GSG1L: variants seen among roughly 807,000 people sequenced by gnomAD.
The protein encoded by GSG1L is GSG1 like.
Under a neutral mutation model 42.1 loss-of-function variants are expected in GSG1L, and 24 were observed. The ratio of observed to expected loss-of-function variants is 0.57; its 90% CI spans 0.41 to 0.80. GSG1L has a LOEUF of 0.80. Among genes scored for constraint, GSG1L ranks in the 30% least tolerant of loss-of-function variants. The pLI is 0.00. For synonymous variants in GSG1L, 215 were observed against 203.5 expected (o/e 1.06, Z -0.48); for missense variants, 445 against 472.2 (o/e 0.94, Z 0.53).
At chr16:27,843,204 G>T (rs762345266) in intron 4 of GSG1L, among the ~76,000 whole-genome samples, 2 of 152,164 alleles carry the variant, frequency 1.3e-5, no homozygotes, top group Non-Finnish European at 1.5e-5. Flanking sequence ...CCTGTGTAGT[G>T]GACAATTGTG....
At chr16:28,008,230 C>T (rs1463886769) in intron 1 of GSG1L, among the ~76,000 whole-genome samples, 2 of 152,130 alleles carry the variant, frequency 1.3e-5, no homozygotes, top group East Asian at 1.9e-4. Flanking sequence ...CAGGTGTGCA[C>T]CACCACACAC....
chr16:27,809,578 GAA>G (rs33949097), intron 5 of GSG1L, among the ~76,000 whole-genome samples: 39,480 of 145,870 alleles, frequency 0.27, 5,567 homozygotes, highest in East Asian at 0.41. Context: ...CCCCGTCTGA[GAA>G]AAAAAAAAAA....
intron 2 of GSG1L, among the ~76,000 whole-genome samples, chr16:27,900,182 C>T (rs747496354): frequency 6.6e-6 from 1 of 152,228 alleles, no homozygotes; most frequent in Non-Finnish European, 1.5e-5. Context: ...CCTCCAGGAA[C>T]CCCAAATTGA....
chr16:27,942,411 A>G lies in GSG1L; in HGVS notation c.397+20745T>C, dbSNP rs556044251. Among the ~76,000 whole-genome samples, 15 of 91,536 alleles carry G rather than the reference A, an allele frequency of 1.6e-4. No individual in the cohort carries two copies. The South Asian group carries it at 5.0e-3, about 31-fold the overall frequency. 60.1% of individuals were successfully genotyped at this position (91,536 alleles called of 152,430 possible). ...GTGATCCACTTGCCTTGGCCTCCCA[A>G]AGTGCTAGGATTATAGACGTGAGCC... On this transcript the variant is annotated intron_variant, in intron 2 of 6. Coordinates refer to ENST00000447459, the MANE Select transcript of GSG1L (RefSeq NM_001109763.2).
intron 5 of GSG1L, among the ~76,000 whole-genome samples, chr16:27,826,696 G>T (rs1454342119): frequency 1.3e-5 from 2 of 152,164 alleles, no homozygotes; most frequent in Non-Finnish European, 2.9e-5. Context: ...GGGAAGGTGG[G>T]TCTTCATCCA....
At chr16:28,036,460 TC>T (rs2086038226) in intron 1 of GSG1L, among the ~76,000 whole-genome samples, 1 of 151,356 alleles carries the variant, frequency 6.6e-6, no homozygotes, top group South Asian at 2.1e-4. Flanking sequence ...AGACTCCAGT[TC>T]CCCCCTGGTC....
At chr16:27,917,209 T>G (rs773770127) in intron 2 of GSG1L, among the ~76,000 whole-genome samples, 3 of 152,192 alleles carry the variant, frequency 2.0e-5, no homozygotes, top group Non-Finnish European at 4.4e-5. Context: ...TCACAAGTAT[T>G]TCCTGATGGC....
chr16:27,995,766 C>A (rs1357473703), intron 1 of GSG1L, among the ~76,000 whole-genome samples: 1 of 152,012 alleles, frequency 6.6e-6, no homozygotes. Context: ...CCCACCTCAG[C>A]CTCCCAAGTA....
chr16:27,943,391 T>G (rs1359028001), intron 2 of GSG1L, among the ~76,000 whole-genome samples: 1 of 151,684 alleles, frequency 6.6e-6, no homozygotes, highest in East Asian at 1.9e-4. Flanking sequence ...GAATATTACA[T>G]AACAATGAAA....
chr16:27,823,225 CA>C (rs1368443198), intron 5 of GSG1L, among the ~76,000 whole-genome samples: 9 of 152,120 alleles, frequency 5.9e-5, no homozygotes, highest in African/African-American at 2.2e-4. Context: ...AGATGTTTCT[CA>C]GGGGTGGGGC....
chr16:27,973,057 T>A (rs1231631177), intron 1 of GSG1L, among the ~76,000 whole-genome samples: 1 of 152,202 alleles, frequency 6.6e-6, no homozygotes, highest in Non-Finnish European at 1.5e-5. Flanking sequence ...CATCTTTCTG[T>A]GCCTTTATTT....
intron 1 of GSG1L, among the ~76,000 whole-genome samples, chr16:28,020,322 A>G (rs1286244887): frequency 6.6e-6 from 1 of 152,202 alleles, no homozygotes; most frequent in African/African-American, 2.4e-5. Context: ...AAGGGGTGTC[A>G]TTCCAGGGAA....
chr16:28,010,992 T>TGGGTCGTCGGGGCTCTGCC (rs1343235861), intron 1 of GSG1L, among the ~76,000 whole-genome samples: 2 of 152,124 alleles, frequency 1.3e-5, no homozygotes, highest in African/African-American at 4.8e-5. Context: ...GGGGCTCTGA[T>TGGGTCGTCGGGGCTCTGCC]GGGTCGTCGG....
intron 3 of GSG1L, among the ~76,000 whole-genome samples, chr16:27,861,374 C>CA (rs1252267417): frequency 1.3e-5 from 2 of 150,628 alleles, no homozygotes; most frequent in African/African-American, 2.4e-5. Flanking sequence ...GACTCCATTT[C>CA]AAAAAAAATT....
chr16:27,791,169 T>C lies in GSG1L; in HGVS notation c.*201A>G, dbSNP rs1456594300. On this transcript the variant is annotated 3_prime_UTR_variant, in exon 7 of 7. Transcript: ENST00000447459. ...AGTCACTCTGTGCAGCCCTGTGCAT[T>C]CCCTTGGGCCTGCCCTGGCCCCATT... The C allele has an allele frequency of 7.6e-6, 3 of 397,188 alleles. No individual in the cohort carries two copies. Among genetic ancestry groups the C allele is most frequent in the Non-Finnish European group, 1.3e-5 (3 of 224,992 alleles). The allele number at this position is 397,188 out of a possible 1,614,324, so 24.6% of individuals were successfully genotyped here.
Position 28,040,858 on chromosome 16 carries a change from A to G in GSG1L, c.349+22218T>C, listed in dbSNP as rs2086097527. The stretch of plus-strand genomic sequence containing the variant: ...CACTCCTTTTCCATCCAGTATCCCC[A>G]TCCCAGACCATCTCTCTGCGTTCCG... On this transcript the variant is annotated intron_variant, in intron 1 of 6. Transcript: ENST00000447459. This position sits in a 1 kb window ranked among gnomAD's most constrained non-coding sequence, Gnocchi z 4.1. Among the ~76,000 whole-genome samples, 1 of 152,140 alleles carries G rather than the reference A, an allele frequency of 6.6e-6. No homozygotes were observed. Among genetic ancestry groups the G allele is most frequent in the South Asian group, 2.1e-4 (1 of 4,836 alleles).
At chr16:27,844,202 C>T (rs2083418056) in intron 4 of GSG1L, among the ~76,000 whole-genome samples, 1 of 152,200 alleles carries the variant, frequency 6.6e-6, no homozygotes, top group South Asian at 2.1e-4. Flanking sequence ...CTAGCTGATC[C>T]ACCTGGACTT....
chr16:27,932,517 A>G (rs976540218), intron 2 of GSG1L, among the ~76,000 whole-genome samples: 4 of 152,188 alleles, frequency 2.6e-5, no homozygotes, highest in South Asian at 2.1e-4. Context: ...AGAGAAAGGT[A>G]GGAGATGCCA....
chr16:27,884,162 T>C lies in GSG1L; in HGVS notation c.550+324A>G, dbSNP rs755499420. On this transcript the variant is annotated intron_variant, in intron 3 of 6. Transcript: ENST00000447459. The surrounding 1 kb of genome is among the most constrained non-coding windows in gnomAD (Gnocchi z 4.4). ...TCCCTTGCTGATACTGCAGATCCAA[T>C]CCATCACAGACCATGTGGTACTGAT... is the stretch of plus-strand genomic sequence containing the variant. 2.1e-4 allele frequency among the ~76,000 whole-genome samples: 32 copies of C among 152,132 alleles called. No homozygotes were observed. The highest frequency in any genetic ancestry group is 4.0e-4 in the Non-Finnish European group (27 of 68,008).
Sources: gnomAD v4.1 joint callset for allele counts (sites outside exome capture counted in the v4.1 genomes callset) on GRCh38, gnomAD v4.1.1 for gene constraint, Gnocchi (gnomAD v3.1) non-coding constraint, MANE v1.5 for transcripts, NCBI Gene and HGNC (gene_info 2026-07-23, HGNC 2026-07-21) for gene names.